C20orf203: variants seen among roughly 807,000 people sequenced by gnomAD.
C20orf203 encodes uncharacterized protein C20orf203.
In C20orf203, 16 loss-of-function variants were observed where a neutral mutation model predicts 15.9. The ratio of observed to expected loss-of-function variants is 1.01; its 90% confidence interval spans 0.68 to 1.53. The LOEUF is 1.53. Among genes scored for constraint, C20orf203 ranks in the 40% most tolerant of loss-of-function variants. The pLI is 0.00. For missense variants in C20orf203, 263 were observed against 247.5 expected (o/e 1.06, Z -0.42); for synonymous variants, 98 against 97.2 (o/e 1.01, Z -0.05).
intron 1 of C20orf203, among the ~76,000 whole-genome samples, chr20:32,660,408 A>G (rs1002695766): frequency 6.6e-6 from 1 of 152,160 alleles, no homozygotes; most frequent in African/African-American, 2.4e-5. Context: ...ATGCCCTTTC[A>G]CTGGTCAATC....
intron 4 of C20orf203, among the ~76,000 whole-genome samples, chr20:32,645,901 T>C (rs955705286): frequency 1.3e-5 from 2 of 152,192 alleles, no homozygotes; most frequent in Admixed American, 1.3e-4. Flanking sequence ...GGAGAAGTGT[T>C]AGACTATTAG....
chr20:32,649,534 C>A lies in C20orf203; in HGVS notation c.*898G>T. ...CAGTACCAGAGTGGGTGGGTTCTAG[C>A]ACACTCCTCCTGCCCCTGTCACAAC... On this transcript the variant is annotated 3_prime_UTR_variant, in exon 4 of 6. Coordinates refer to ENST00000608990, the MANE Select transcript of C20orf203 (RefSeq NM_182584.4). 1 of 152,836 alleles carries A rather than the reference C, an allele frequency of 6.5e-6. No homozygotes were observed. The highest frequency in any genetic ancestry group is 1.5e-5 in the Non-Finnish European group (1 of 68,276). 9.5% of individuals were successfully genotyped at this position (152,836 alleles called of 1,614,324 possible).
At chr20:32,657,355 T>TG (rs1013409326) in intron 1 of C20orf203, 4 of 152,008 alleles carry the variant, frequency 2.6e-5, no homozygotes, top group African/African-American at 9.7e-5. Context: ...CCAGGCGTGG[T>TG]GGTAGGCACC....
chr20:32,637,143 C>T (rs1982158213), intron 5 of C20orf203, among the ~76,000 whole-genome samples: 1 of 152,248 alleles, frequency 6.6e-6, no homozygotes, highest in Non-Finnish European at 1.5e-5. Context: ...GGTGCAATGG[C>T]TCACGCCTGT....
intron 1 of C20orf203, among the ~76,000 whole-genome samples, chr20:32,669,216 T>G (rs1983105105): frequency 6.6e-6 from 1 of 152,210 alleles, no homozygotes; most frequent in African/African-American, 2.4e-5. Flanking sequence ...CCCTTGTGTG[T>G]GCTGAACTTG....
At chr20:32,673,308 CCCT>C (rs1040159524) in intron 1 of C20orf203, among the ~76,000 whole-genome samples, 5 of 152,284 alleles carry the variant, frequency 3.3e-5, no homozygotes, top group African/African-American at 1.2e-4. Context: ...CCTCCTGCTC[CCCT>C]CAAGACTGGC....
chr20:32,664,986 A>G (rs1484748501), intron 1 of C20orf203, among the ~76,000 whole-genome samples: 1 of 152,154 alleles, frequency 6.6e-6, no homozygotes, highest in Non-Finnish European at 1.5e-5. Flanking sequence ...GCAAAGCCCA[A>G]ATCCATTCTG....
intron 1 of C20orf203, among the ~76,000 whole-genome samples, chr20:32,654,361 A>T (rs1368631253): frequency 6.6e-6 from 1 of 152,232 alleles, no homozygotes. Flanking sequence ...AATAAATGGA[A>T]AAATACCAAT....
intron 1 of C20orf203, among the ~76,000 whole-genome samples, chr20:32,658,127 A>G (rs1260026012): frequency 6.6e-6 from 1 of 152,142 alleles, no homozygotes; most frequent in Non-Finnish European, 1.5e-5. Context: ...ACCTGAGGTC[A>G]GGAGTTTAAG....
chr20:32,648,227 C>T (rs1982490059), intron 4 of C20orf203, among the ~76,000 whole-genome samples: 1 of 151,998 alleles, frequency 6.6e-6, no homozygotes, highest in Non-Finnish European at 1.5e-5. Context: ...CTCAAACAGC[C>T]TAAGCCCATC....
At chr20:32,664,363 A>C (rs1374953892) in intron 1 of C20orf203, among the ~76,000 whole-genome samples, 1 of 152,190 alleles carries the variant, frequency 6.6e-6, no homozygotes, top group Non-Finnish European at 1.5e-5. Flanking sequence ...GGATCCCCAC[A>C]CAGGTTTCCA....
rs991230268 is a variant in C20orf203, at chr20:32,632,935, G to C, written c.*2635C>G. 6.6e-6 allele frequency: 1 copy of C among 152,282 alleles called. No homozygotes were observed. The highest frequency in any genetic ancestry group is 1.5e-5 in the Non-Finnish European group (1 of 68,136). 9.4% of individuals were successfully genotyped at this position (152,282 alleles called of 1,614,324 possible). On this transcript the variant is annotated 3_prime_UTR_variant, in exon 6 of 6. Coordinates refer to ENST00000608990, the MANE Select transcript of C20orf203 (RefSeq NM_182584.4). Reference sequence around the variant, plus strand: ...GAGGCCTCAGGAAACTTACAATCATGGTGGAAGGCAGCTCTTCACAGGGCG... The same window carrying C: ...GAGGCCTCAGGAAACTTACAATCATCGTGGAAGGCAGCTCTTCACAGGGCG...
intron 1 of C20orf203, among the ~76,000 whole-genome samples, chr20:32,665,198 G>C (rs1982989352): frequency 6.6e-6 from 1 of 152,312 alleles, no homozygotes; most frequent in East Asian, 1.9e-4. Flanking sequence ...TCTGCTCAGA[G>C]GATTCTGATC....
At chr20:32,643,752 A>G (rs1180486382) in intron 4 of C20orf203, among the ~76,000 whole-genome samples, 4 of 152,002 alleles carry the variant, frequency 2.6e-5, no homozygotes, top group African/African-American at 9.7e-5. Context: ...GACGATGAAC[A>G]CCCTTTTCTG....
At position 32,640,620 on chromosome 20, in the gene C20orf203, G is replaced by A. The variant is rs1399200322; in HGVS notation, c.*1245C>T. The A allele has an allele frequency of 1.3e-5, 2 of 152,186 alleles. No homozygotes were observed. The highest frequency in any genetic ancestry group is 2.9e-5 in the Non-Finnish European group (2 of 68,046). 9.4% of individuals were successfully genotyped at this position (152,186 alleles called of 1,614,324 possible). On this transcript the variant is annotated 3_prime_UTR_variant, in exon 5 of 6. Coordinates refer to ENST00000608990, the MANE Select transcript of C20orf203 (RefSeq NM_182584.4). ...ATAGGAGAATCACTTGAACCCGGAA[G>A]GTGGAGGTTGCAGCGAGCTGAGATC...
Position 32,650,800 on chromosome 20 carries a change from G to A in C20orf203, c.217C>T (p.Arg73Ter), listed in dbSNP as rs1296650325. 7.3e-6 allele frequency: 11 copies of A among 1,497,134 alleles called. No homozygotes were observed. Among genetic ancestry groups the A allele is most frequent in the African/African-American group, 7.0e-5 (5 of 71,738 alleles). 92.7% of individuals were successfully genotyped at this position (1,497,134 alleles called of 1,614,324 possible). A position where few individuals can be genotyped will look rare whatever the true frequency, so the allele number is the denominator to read the frequency against. Reference protein sequence around the residue: ...GAGRRTSKAQRVHPQPSHQRQ... With the variant: ...GAGRRTSKAQ Reference sequence around the variant, plus strand: ...TGGTGGCTGGGCTGGGGGTGGACTCGCTGAGCCTTTGAGGTCCTCCTTCCC... The same window carrying A: ...TGGTGGCTGGGCTGGGGGTGGACTCACTGAGCCTTTGAGGTCCTCCTTCCC... The change falls in exon 4 of 6, where the codon CGA (arginine) becomes TGA (stop). Residue 73 changes from arginine to a stop codon, truncating the protein, a stop_gained. Transcript: ENST00000608990. LOFTEE classifies it high-confidence loss of function.
At chr20:32,636,690 C>T (rs910114283) in intron 5 of C20orf203, among the ~76,000 whole-genome samples, 1 of 152,176 alleles carries the variant, frequency 6.6e-6, no homozygotes, top group Non-Finnish European at 1.5e-5. Context: ...AACCTCTGTC[C>T]TCCCCGCTCA....
At chr20:32,658,777 G>A (rs898807907) in intron 1 of C20orf203, among the ~76,000 whole-genome samples, 1 of 152,134 alleles carries the variant, frequency 6.6e-6, no homozygotes, top group Non-Finnish European at 1.5e-5. Flanking sequence ...CAGGGAGATG[G>A]AGCAGGAGAA....
At chr20:32,672,189 G>A (rs1365146659) in intron 1 of C20orf203, among the ~76,000 whole-genome samples, 1 of 151,524 alleles carries the variant, frequency 6.6e-6, no homozygotes, top group Non-Finnish European at 1.5e-5. Flanking sequence ...GGTGGTGGGC[G>A]CCCAGTAGCT....
Sources: allele counts gnomAD v4.1 joint callset (sites outside exome capture counted in the v4.1 genomes callset), GRCh38; gene constraint gnomAD v4.1.1; transcripts MANE v1.5; gene names NCBI Gene and HGNC (gene_info 2026-07-23, HGNC 2026-07-21).